CENPW: variants seen among roughly 807,000 people sequenced by gnomAD.
CENPW encodes the protein centromere protein W.
Under a neutral mutation model 11.1 loss-of-function variants are expected in CENPW, and 3 were observed. That is an observed-to-expected ratio of 0.27 (90% CI 0.12 to 0.70). The LOEUF (loss-of-function observed/expected upper bound fraction) is 0.70, where lower values mean the gene tolerates loss of function less well. Among genes scored for constraint, CENPW ranks in the 30% least tolerant of loss-of-function variants. The pLI, the probability that CENPW is intolerant of heterozygous loss-of-function variation, is 0.77. For missense variants in CENPW, 100 were observed against 105.6 expected (o/e 0.95, Z 0.23); for synonymous variants, 38 against 42.0 (o/e 0.91, Z 0.37).
the CENPW span, among the ~76,000 whole-genome samples, chr6:126,414,121 C>A: frequency 6.6e-6 from 1 of 151,736 alleles, no homozygotes; most frequent in African/African-American, 2.4e-5. Flanking sequence ...TACAATATAT[C>A]AATTGTGAAT....
the CENPW span, among the ~76,000 whole-genome samples, chr6:126,412,807 C>T: frequency 3.3e-5 from 5 of 152,050 alleles, no homozygotes; most frequent in South Asian, 1.0e-3. Flanking sequence ...AATATATCTT[C>T]AAGTTCTCTT....
chr6:126,386,100 TAGGAG>T, the CENPW span, among the ~76,000 whole-genome samples: 1 of 152,036 alleles, frequency 6.6e-6, no homozygotes, highest in Non-Finnish European at 1.5e-5. Flanking sequence ...TCAAGATTAG[TAGGAG>T]TTATTTCAAA....
the CENPW span, among the ~76,000 whole-genome samples, chr6:126,402,508 TCCCA>T: frequency 3.0e-5 from 4 of 134,668 alleles, no homozygotes; most frequent in Admixed American, 7.6e-5. Context: ...CTCTATTTTC[TCCCA>T]CCCACCCACC....
At chr6:126,363,393 A>C in the CENPW span, among the ~76,000 whole-genome samples, 1 of 152,230 alleles carries the variant, frequency 6.6e-6, no homozygotes, top group Admixed American at 6.5e-5. Context: ...AAAATTGGAC[A>C]ATATGGCAAT....
chr6:126,413,745 A>G, the CENPW span, among the ~76,000 whole-genome samples: 1 of 151,990 alleles, frequency 6.6e-6, no homozygotes, highest in Non-Finnish European at 1.5e-5. Context: ...TAAAACAATA[A>G]GAGAGGAAGA....
chr6:126,341,990 A>G (rs750709254), intron 1 of CENPW, among the ~76,000 whole-genome samples: 1 of 152,186 alleles, frequency 6.6e-6, no homozygotes. Flanking sequence ...TTTGGTCAGT[A>G]GCTTTTCCCA....
chr6:126,413,883 G>A, the CENPW span, among the ~76,000 whole-genome samples: 1 of 151,922 alleles, frequency 6.6e-6, no homozygotes, highest in African/African-American at 2.4e-5. Flanking sequence ...TAGCTGAATG[G>A]ATTTTTTAAA....
At chr6:126,451,171 T>C in the CENPW span, among the ~76,000 whole-genome samples, 1 of 151,066 alleles carries the variant, frequency 6.6e-6, no homozygotes. Flanking sequence ...TCTACATCTT[T>C]ATTTTAAAAT....
At chr6:126,376,449 C>T in the CENPW span, among the ~76,000 whole-genome samples, 22 of 152,176 alleles carry the variant, frequency 1.4e-4, no homozygotes, top group African/African-American at 4.1e-4. Context: ...ACCCCTAATA[C>T]GGAATTGTAT....
chr6:126,362,879 T>A, the CENPW span, among the ~76,000 whole-genome samples: 1 of 152,174 alleles, frequency 6.6e-6, no homozygotes, highest in Non-Finnish European at 1.5e-5. Context: ...AAGCTACCCA[T>A]AAGAGAAATA....
chr6:126,348,270 C>T (rs913402414), intron 2 of CENPW, among the ~76,000 whole-genome samples, 196 bp from the exon 3 acceptor site: 11 of 151,916 alleles, frequency 7.2e-5, no homozygotes, highest in African/African-American at 2.4e-4. Flanking sequence ...TGAGATAAGA[C>T]TGTTTTTAGA....
chr6:126,371,029 A>G, the CENPW span, among the ~76,000 whole-genome samples: 1 of 151,986 alleles, frequency 6.6e-6, no homozygotes. Context: ...TGCCTCCCAA[A>G]GTGCTGGGAT....
At chr6:126,443,519 C>T in the CENPW span, among the ~76,000 whole-genome samples, 1 of 151,270 alleles carries the variant, frequency 6.6e-6, no homozygotes, top group Non-Finnish European at 1.5e-5. Context: ...GGTTATTTCT[C>T]TTAGATCCTT....
At chr6:126,454,015 A>G in the CENPW span, among the ~76,000 whole-genome samples, 78 of 151,632 alleles carry the variant, frequency 5.1e-4, no homozygotes, top group East Asian at 0.011. Context: ...TTCAACAAGA[A>G]GACCTAACTA....
the CENPW span, among the ~76,000 whole-genome samples, chr6:126,468,565 G>A: frequency 6.6e-6 from 1 of 151,384 alleles, no homozygotes; most frequent in Middle Eastern, 3.2e-3. Flanking sequence ...TAGTGATAAT[G>A]TATCATTGTT....
the CENPW span, among the ~76,000 whole-genome samples, chr6:126,408,475 A>G: frequency 6.6e-6 from 1 of 152,124 alleles, no homozygotes; most frequent in Non-Finnish European, 1.5e-5. Flanking sequence ...CCATGATTCA[A>G]TTACCTCCCA....
the CENPW span, among the ~76,000 whole-genome samples, chr6:126,377,066 GATA>G: frequency 6.6e-6 from 1 of 152,140 alleles, no homozygotes; most frequent in African/African-American, 2.4e-5. Context: ...AGAGAGCTAT[GATA>G]AAAGAATGCA....
the CENPW span, among the ~76,000 whole-genome samples, chr6:126,460,299 G>A: frequency 1.3e-5 from 2 of 151,600 alleles, no homozygotes; most frequent in Admixed American, 1.3e-4. Flanking sequence ...GTGTACTAAT[G>A]TAACCAATAT....
At chr6:126,425,077 G>A in the CENPW span, among the ~76,000 whole-genome samples, 2 of 152,098 alleles carry the variant, frequency 1.3e-5, no homozygotes, top group Admixed American at 6.6e-5. Context: ...AACATCTTGG[G>A]AAAGCAGTTT....
Sources: gnomAD v4.1 joint callset for allele counts (sites outside exome capture counted in the v4.1 genomes callset) on GRCh38, gnomAD v4.1.1 for gene constraint, MANE v1.5 for transcripts, NCBI Gene and HGNC (gene_info 2026-07-23, HGNC 2026-07-21) for gene names.